The following CHRNA4 variants were observed in gnomAD, a reference collection of about 807,000 sequenced individuals.
CHRNA4 encodes the protein neuronal acetylcholine receptor subunit alpha-4.
Under a neutral mutation model 48.9 loss-of-function variants are expected in CHRNA4, and 28 were observed. The observed-to-expected ratio is 0.57, with a 90% confidence interval of 0.42 to 0.79. The LOEUF (loss-of-function observed/expected upper bound fraction) is 0.79, where lower values mean the gene tolerates loss of function less well. Ranked by LOEUF, CHRNA4 falls within the 30% of genes least tolerant of loss-of-function variation. The pLI, the probability that CHRNA4 is intolerant of heterozygous loss-of-function variation, is 0.00. For synonymous variants in CHRNA4, 425 were observed against 402.3 expected (o/e 1.06, Z -0.68); for missense variants, 859 against 898.4 (o/e 0.96, Z 0.56).
rs545603744 is a variant in CHRNA4, at chr20:63,357,887, G to A, written c.229-1472C>T. ...AGCTCTGGGAGTCTTGGTTCTGGGT[G>A]TGCTCCAGGCCTCAATGTCTCCTGG... On this transcript the variant is annotated intron_variant, in intron 2 of 5. Coordinates refer to ENST00000370263, the MANE Select transcript of CHRNA4 (RefSeq NM_000744.7). 6.1e-4 allele frequency among the ~76,000 whole-genome samples: 93 copies of A among 152,192 alleles called. 1 individual carries two copies. The highest frequency in any genetic ancestry group is 1.2e-3 in the Non-Finnish European group (83 of 68,022).
intron 5 of CHRNA4, 67 bp from the exon 6 acceptor site, chr20:63,346,930 C>G: frequency 6.2e-7 from 1 of 1,605,034 alleles, no homozygotes. Context: ...CCCTCAGGAC[C>G]CCGGCGCCGC....
Position 63,359,883 on chromosome 20 carries a change from G to A in CHRNA4, c.77-184C>T, listed in dbSNP as rs1359101297. ...GGGCGTGCGCTCTGTGTGTGTGTGT[G>A]TGCCGGGCGTGTGCTGTGTGTGTGT... is the stretch of plus-strand genomic sequence containing the variant. On this transcript the variant is annotated intron_variant, in intron 1 of 5. Coordinates refer to ENST00000370263, the MANE Select transcript of CHRNA4 (RefSeq NM_000744.7). 5.9e-6 allele frequency: 3 copies of A among 512,628 alleles called. No individual in the cohort carries two copies. In the African/African-American group the frequency reaches 9.1e-5, roughly 16 times the overall value. The allele number at this position is 512,628 out of a possible 1,614,324, so 31.8% of individuals were successfully genotyped here. A position where few individuals can be genotyped will look rare whatever the true frequency, so the allele number is the denominator to read the frequency against.
At chr20:63,356,731 C>T in intron 2 of CHRNA4, 1 of 490,108 alleles carries the variant, frequency 2.0e-6, no homozygotes, top group Non-Finnish European at 3.8e-6. Flanking sequence ...TGCCCACCTG[C>T]CTTGCTCCCT....
chr20:63,356,753 G>C, intron 2 of CHRNA4: 1 of 466,448 alleles, frequency 2.1e-6, no homozygotes, highest in Non-Finnish European at 4.0e-6. Flanking sequence ...CCGGCCCTTG[G>C]GGGCAGCCCC....
rs1230796063 is a variant in CHRNA4, at chr20:63,361,344, G to A, written c.-179C>T. On this transcript the variant is annotated 5_prime_UTR_variant, in exon 1 of 6. Transcript: ENST00000370263. Reference sequence around the variant, plus strand: ...GCGGCGCGGCAGGGAGCGCCGGGCTGTGGGCTCCGTGGCGCGGCCCCGCCC... The same window carrying A: ...GCGGCGCGGCAGGGAGCGCCGGGCTATGGGCTCCGTGGCGCGGCCCCGCCC... 34 of 1,122,914 alleles carry A rather than the reference G, an allele frequency of 3.0e-5. No homozygotes were observed. Among genetic ancestry groups the A allele is most frequent in the Non-Finnish European group, 3.7e-5 (34 of 922,754 alleles). The allele number at this position is 1,122,914 out of a possible 1,614,324, so 69.6% of individuals were successfully genotyped here. A position where few individuals can be genotyped will look rare whatever the true frequency, so the allele number is the denominator to read the frequency against.
chr20:63,352,711 G>A (rs995630366), intron 4 of CHRNA4, among the ~76,000 whole-genome samples: 1 of 152,204 alleles, frequency 6.6e-6, no homozygotes, highest in Non-Finnish European at 1.5e-5. Flanking sequence ...ACACTCTACA[G>A]GGAACGCCAG....
chr20:63,357,045 CAA>C (rs1491475753), intron 2 of CHRNA4, among the ~76,000 whole-genome samples: 80 of 121,614 alleles, frequency 6.6e-4, no homozygotes, highest in Admixed American at 8.0e-4. Context: ...CACAGGACCA[CAA>C]CCCACAGGAC....
intron 4 of CHRNA4, among the ~76,000 whole-genome samples, chr20:63,353,524 T>C (rs1157395132): frequency 4.3e-4 from 25 of 58,480 alleles, no homozygotes; most frequent in Non-Finnish European, 6.0e-4. Context: ...CCTGGGGGGC[T>C]GTGGTCCTAG....
At position 63,350,131 on chromosome 20, in the gene CHRNA4, T is replaced by A. The variant is rs2068564369; in HGVS notation, c.1280A>T (p.Asp427Val). The change falls in exon 5 of 6, where the codon GAC becomes GTC. Residue 427 changes from aspartate to valine, a missense_variant. Physicochemically the swap from Asp to Val is radical, Grantham distance 152. This residue lies in a region of CHRNA4 where 478 missense variants were observed against 455.4 expected (regional missense o/e 1.05). Coordinates refer to ENST00000370263, the MANE Select transcript of CHRNA4 (RefSeq NM_000744.7). ...CAGGGGCTGCTGAGGAGGGAGCTGG[T>A]CGGAGGGTGACTTGCAGGAAGGCCC... ...EPGPSCKSPS[D>V]QLPPQQPLEA... 5 of 1,562,786 alleles carry A rather than the reference T, an allele frequency of 3.2e-6. No homozygotes were observed. The highest frequency in any genetic ancestry group is 4.3e-6 in the Non-Finnish European group (5 of 1,152,020).
chr20:63,352,965 C>T (rs6011779), intron 4 of CHRNA4, among the ~76,000 whole-genome samples: 108,426 of 152,074 alleles, frequency 0.71, 40,023 homozygotes, highest in East Asian at 0.86. Flanking sequence ...GGCCGTGAGC[C>T]GGCTCTGGAC....
intron 5 of CHRNA4, 42 bp from the exon 6 acceptor site, chr20:63,346,905 C>T (rs765835508): frequency 5.0e-6 from 8 of 1,610,596 alleles, no homozygotes; most frequent in African/African-American, 4.0e-5. Flanking sequence ...GCCCGGCCGC[C>T]GCCAGCGGGG....
In CHRNA4 at chr20:63,350,365, AG is replaced by A. The variant is rs760117822; in HGVS notation, c.1045del (p.Leu349TrpfsTer10). On this transcript the variant is annotated frameshift_variant, in exon 5 of 6. Coordinates refer to ENST00000370263, the MANE Select transcript of CHRNA4 (RefSeq NM_000744.7). LOFTEE classifies it high-confidence loss of function. ...GAGGAGCAGGCGTGGCACGATGTCC[AG>A]GAAGACCCTGCGTACCCAGGTGGGC... is the stretch of plus-strand genomic sequence containing the variant. ...TMPTWVRRVF[L>X]DIVPRLLLMK... The A allele has an allele frequency of 4.3e-6, 7 of 1,613,726 alleles. No homozygotes were observed. The highest frequency in any genetic ancestry group is 2.2e-5 in the East Asian group (1 of 44,882).
chr20:63,359,897 C>T, intron 1 of CHRNA4, 198 bp from the exon 2 acceptor site: 2 of 435,360 alleles, frequency 4.6e-6, no homozygotes, highest in Non-Finnish European at 8.2e-6. Flanking sequence ...CGGGCGTGTG[C>T]TGTGTGTGTG....
At chr20:63,359,030 GC>G (rs2068760542) in intron 2 of CHRNA4, among the ~76,000 whole-genome samples, 1 of 82,732 alleles carries the variant, frequency 1.2e-5, no homozygotes, top group Non-Finnish European at 2.4e-5. Flanking sequence ...GCCTTCTTGG[GC>G]CCCCCACCAG....
intron 4 of CHRNA4, chr20:63,355,700 G>A: frequency 1.1e-6 from 1 of 883,682 alleles, no homozygotes; most frequent in South Asian, 1.5e-5. Context: ...GCCACTCTCA[G>A]GCCCCTCCGG....
chr20:63,359,732 C>A, intron 1 of CHRNA4, 33 bp from the exon 2 acceptor site: 1 of 1,606,136 alleles, frequency 6.2e-7, no homozygotes, highest in Non-Finnish European at 8.5e-7. Context: ...GGCTCAGGTG[C>A]AGGCGGGACA....
chr20:63,360,088 G>A (rs1042803860), intron 1 of CHRNA4: 10 of 312,524 alleles, frequency 3.2e-5, no homozygotes, highest in African/African-American at 1.5e-4. Context: ...ATGGGCCGAG[G>A]ACTGCTTTGG....
Position 63,345,477 on chromosome 20 carries a change from T to G in CHRNA4, c.*1261A>C, listed in dbSNP as rs2068477026. 1 of 387,926 alleles carries G rather than the reference T, an allele frequency of 2.6e-6. No individual in the cohort carries two copies. Among genetic ancestry groups the G allele is most frequent in the African/African-American group, 2.1e-5 (1 of 48,380 alleles). 24.0% of individuals were successfully genotyped at this position (387,926 alleles called of 1,614,324 possible). ...CACTGGGGGGCTGCCGGGTGCGCCA[T>G]CTTTAGGGGGTGCACTGCCGGGCTC... On this transcript the variant is annotated 3_prime_UTR_variant, in exon 6 of 6. Transcript: ENST00000370263. The surrounding 1 kb of genome is among the most constrained non-coding windows in gnomAD (Gnocchi z 5.4).
rs1283450737 is a variant in CHRNA4, at chr20:63,350,715, G to A, written c.696C>T (p.Asp232=). 3 of 1,613,942 alleles carry A rather than the reference G, an allele frequency of 1.9e-6. No individual in the cohort carries two copies. Among genetic ancestry groups the A allele is most frequent in the Non-Finnish European group, 2.5e-6 (3 of 1,180,006 alleles). ...KYECCAEIYP[D]ITYAFVIRRL... is the part of the protein sequence containing the mutation. ...GCCGGATGACGAAGGCATAGGTGAT[G>A]TCCGGGTAGATCTCGGCACAGCACT... The change falls in exon 5 of 6, where the codon GAC becomes GAT. Residue 232 remains aspartate, a synonymous_variant. Transcript: ENST00000370263.
Sources: allele counts gnomAD v4.1 joint callset (sites outside exome capture counted in the v4.1 genomes callset), GRCh38; gene constraint gnomAD v4.1.1; regional missense constraint gnomAD v4.1.1; non-coding constraint Gnocchi (gnomAD v3.1); transcripts MANE v1.5; gene names NCBI Gene and HGNC (gene_info 2026-07-23, HGNC 2026-07-21).